ACO2: variants seen among roughly 807,000 people sequenced by gnomAD.
ACO2 encodes the protein aconitase 2.
Under a neutral mutation model 84.5 loss-of-function variants are expected in ACO2, and 31 were observed. The ratio of observed to expected loss-of-function variants is 0.37; its 90% CI spans 0.28 to 0.50. The LOEUF (loss-of-function observed/expected upper bound fraction) is 0.50. Among genes scored for constraint, ACO2 ranks in the 20% least tolerant of loss-of-function variants. The probability of loss-of-function intolerance (pLI) is 0.97; values close to 1 mark genes in which losing one functional copy is unlikely to be tolerated. For missense variants in ACO2, 685 were observed against 1,029.3 expected (o/e 0.67, Z 4.58); for synonymous variants, 414 against 412.7 (o/e 1.00, Z -0.04).
chr22:41,524,984 C>T lies in ACO2; in HGVS notation c.1605+16C>T. ...TCCCAAAGGGGTGAGCGCCCACGCC[C>T]CCTGCTTGCTGGTTGCTGTGTGGCC... On this transcript the variant is annotated intron_variant, in intron 13 of 17. Coordinates refer to ENST00000216254, the MANE Select transcript of ACO2 (RefSeq NM_001098.3). 2.5e-6 allele frequency: 4 copies of T among 1,614,132 alleles called. No individual in the cohort carries two copies. The highest frequency in any genetic ancestry group is 3.4e-6 in the Non-Finnish European group (4 of 1,180,014).
intron 1 of ACO2, among the ~76,000 whole-genome samples, chr22:41,476,914 C>T (rs964210237): frequency 2.6e-5 from 4 of 151,178 alleles, no homozygotes; most frequent in South Asian, 2.1e-4. Flanking sequence ...TTTGGGAGGC[C>T]GAGGTGGGTG....
Position 41,470,528 on chromosome 22 carries a change from C to CTTT in ACO2, c.36+1378_36+1380dup, listed in dbSNP as rs71184811. Among the ~76,000 whole-genome samples the CTTT allele has an allele frequency of 4.5e-3, 434 of 95,784 alleles. 12 individuals carry two copies. Among genetic ancestry groups the CTTT allele is most frequent in the Admixed American group, 6.8e-3 (51 of 7,476 alleles). The allele number at this position is 95,784 out of a possible 152,430, so 62.8% of individuals were successfully genotyped here. A position where few individuals can be genotyped will look rare whatever the true frequency, so the allele number is the denominator to read the frequency against. ...TTTGCACCTAATTATCTCTTTACAT[C>CTTT]TTTTTTTTTTTTTTTTTTTTTTTTT... On this transcript the variant is annotated intron_variant, in intron 1 of 17. Coordinates refer to ENST00000216254, the MANE Select transcript of ACO2 (RefSeq NM_001098.3).
At chr22:41,513,129 G>A (rs2066447904) in intron 4 of ACO2, among the ~76,000 whole-genome samples, 1 of 152,224 alleles carries the variant, frequency 6.6e-6, no homozygotes, top group Admixed American at 6.5e-5. Flanking sequence ...GGACTAGAAA[G>A]CCCCTCTCTG....
At chr22:41,505,673 A>G (rs1371751669) in intron 2 of ACO2, among the ~76,000 whole-genome samples, 4 of 152,150 alleles carry the variant, frequency 2.6e-5, no homozygotes, top group African/African-American at 7.2e-5. Flanking sequence ...AGTTTTATAC[A>G]TGAAAATACT....
At chr22:41,520,336 C>A in intron 9 of ACO2, 60 bp downstream of exon 9, 1 of 1,383,920 alleles carries the variant, frequency 7.2e-7, no homozygotes, top group Non-Finnish European at 1.0e-6. Flanking sequence ...CTGCCCAGGG[C>A]TGTAGACAAT....
intron 4 of ACO2, chr22:41,512,199 C>T: frequency 2.2e-6 from 1 of 446,344 alleles, no homozygotes; most frequent in Non-Finnish European, 4.0e-6. Flanking sequence ...ACCCAGGTAA[C>T]CAGCATTTTA....
intron 1 of ACO2, among the ~76,000 whole-genome samples, chr22:41,496,840 G>C (rs1016531100): frequency 3.3e-5 from 5 of 152,116 alleles, no homozygotes; most frequent in African/African-American, 1.2e-4. Flanking sequence ...TGCTGTTTCA[G>C]AATGTGGCCT....
chr22:41,469,326 G>A (rs1601870170), intron 1 of ACO2, 144 bp downstream of exon 1: 1 of 1,000,288 alleles, frequency 1.0e-6, no homozygotes, highest in Non-Finnish European at 1.4e-6. Context: ...CGGCACCCGT[G>A]CCCGCTTCTC....
chr22:41,478,744 C>G (rs2038049787), intron 1 of ACO2, among the ~76,000 whole-genome samples: 1 of 150,802 alleles, frequency 6.6e-6, no homozygotes, highest in African/African-American at 2.4e-5. Flanking sequence ...AACCCCCGCC[C>G]TGTCCCTGCC....
intron 1 of ACO2, among the ~76,000 whole-genome samples, chr22:41,470,315 AGTTGTTATGC>A (rs2037929055): frequency 6.6e-6 from 1 of 152,130 alleles, no homozygotes; most frequent in Admixed American, 6.6e-5. Flanking sequence ...GAATTTTACG[AGTTGTTATGC>A]GTTGTACTCT....
intron 1 of ACO2, among the ~76,000 whole-genome samples, chr22:41,488,588 C>T (rs1292893482): frequency 6.6e-6 from 1 of 152,170 alleles, no homozygotes; most frequent in African/African-American, 2.4e-5. Context: ...TTCTGAGTCT[C>T]ATGTGCGTTC....
At chr22:41,509,815 C>A (rs181140053) in intron 3 of ACO2, among the ~76,000 whole-genome samples, 7 of 107,876 alleles carry the variant, frequency 6.5e-5, no homozygotes, top group African/African-American at 2.1e-4. Context: ...AGAATATGGT[C>A]TTTTTTTTTT....
chr22:41,520,338 G>A, intron 9 of ACO2, 62 bp downstream of exon 9: 1 of 1,354,320 alleles, frequency 7.4e-7, no homozygotes, highest in Non-Finnish European at 1.0e-6. Flanking sequence ...GCCCAGGGCT[G>A]TAGACAATCA....
At chr22:41,479,535 A>G (rs2038062628) in intron 1 of ACO2, among the ~76,000 whole-genome samples, 1 of 152,178 alleles carries the variant, frequency 6.6e-6, no homozygotes, top group Non-Finnish European at 1.5e-5. Flanking sequence ...GTTTCCCCAG[A>G]GGGAGTAGAA....
chr22:41,470,528 CTTTTTTTTTTT>C (rs71184811), intron 1 of ACO2, among the ~76,000 whole-genome samples: 10 of 95,856 alleles, frequency 1.0e-4, no homozygotes, highest in Admixed American at 1.3e-4. Flanking sequence ...CTCTTTACAT[CTTTTTTTTTTT>C]TTTTTTTTTT....
At chr22:41,496,293 C>T (rs1441044198) in intron 1 of ACO2, among the ~76,000 whole-genome samples, 2 of 151,762 alleles carry the variant, frequency 1.3e-5, no homozygotes, top group East Asian at 1.9e-4. Flanking sequence ...CCAGCCTGGG[C>T]GATGAGAGCA....
intron 1 of ACO2, among the ~76,000 whole-genome samples, chr22:41,497,611 A>C (rs1601898995): frequency 6.6e-6 from 1 of 152,186 alleles, no homozygotes; most frequent in East Asian, 1.9e-4. Flanking sequence ...GGGTGGGCGC[A>C]GTGGCTCACG....
chr22:41,475,620 C>T (rs925691258), intron 1 of ACO2, among the ~76,000 whole-genome samples: 2 of 151,790 alleles, frequency 1.3e-5, no homozygotes, highest in Admixed American at 6.6e-5. Flanking sequence ...ATGGGCCGGA[C>T]GTGGTGGCTC....
chr22:41,480,665 G>A (rs564763871), intron 1 of ACO2, among the ~76,000 whole-genome samples: 21 of 152,204 alleles, frequency 1.4e-4, no homozygotes, highest in African/African-American at 4.8e-4. Flanking sequence ...TATGCCTTTC[G>A]TATATATTTT....
Sources: allele counts gnomAD v4.1 joint callset (sites outside exome capture counted in the v4.1 genomes callset), GRCh38; gene constraint gnomAD v4.1.1; transcripts MANE v1.5; gene names NCBI Gene and HGNC (gene_info 2026-07-23, HGNC 2026-07-21).